The following KANK1 variants were observed in gnomAD, a reference collection of about 807,000 sequenced individuals.
KANK1 encodes KN motif and ankyrin repeat domain-containing protein 1.
In KANK1, 109 loss-of-function variants were observed where a neutral mutation model predicts 106.2. The observed-to-expected ratio is 1.03, with a 90% CI of 0.88 to 1.20. The LOEUF is 1.20. KANK1 is among the 50% of genes most tolerant of loss of function. KANK1 has a pLI of 0.00. For synonymous variants in KANK1, 873 were observed against 652.2 expected (o/e 1.34, Z -5.16); for missense variants, 2,399 against 1,710.7 (o/e 1.40, Z -7.10).
rs368277566 is a variant in KANK1 at position 730,232 on chromosome 9, C to G, written c.2880C>G (p.Ile960Met). 9.9e-6 allele frequency: 16 copies of G among 1,614,072 alleles called. No homozygotes were observed. Among genetic ancestry groups the G allele is most frequent in the African/African-American group, 1.3e-5 (1 of 74,930 alleles). ...LSPVNLTDDQ[I>M]AAGLYACTNN... Reference sequence around the variant, plus strand: ...CAGTGAACCTGACAGACGACCAGATCGCCGCTGGCCTCTATGGTAACTTTT... The same window carrying G: ...CAGTGAACCTGACAGACGACCAGATGGCCGCTGGCCTCTATGGTAACTTTT... The change falls in exon 4 of 12, where the codon ATC becomes ATG. Residue 960 changes from isoleucine (I) to methionine (M), a missense_variant. By Grantham distance (10) the Ile-to-Met change is conservative. Transcript: ENST00000382297.
chr9:673,930 A>G (rs1815821764), intron 1 of KANK1: 1 of 152,108 alleles, frequency 6.6e-6, no homozygotes, highest in Non-Finnish European at 1.5e-5. Flanking sequence ...AAGCATACTT[A>G]GTTGAATAAT....
chr9:740,292 C>G (rs147140160), intron 8 of KANK1, among the ~76,000 whole-genome samples: 6 of 152,276 alleles, frequency 3.9e-5, no homozygotes, highest in Admixed American at 2.0e-4. Context: ...TTCTGCTTTT[C>G]AGGACCCCCG....
chr9:688,585 C>T (rs1003400398), intron 2 of KANK1, among the ~76,000 whole-genome samples: 7 of 145,172 alleles, frequency 4.8e-5, no homozygotes, highest in South Asian at 2.2e-4. Context: ...AGCGACAGAG[C>T]GAGACTCTGT....
At chr9:656,516 C>T (rs1394153732) in intron 1 of KANK1, among the ~76,000 whole-genome samples, 1 of 152,136 alleles carries the variant, frequency 6.6e-6, no homozygotes, top group Non-Finnish European at 1.5e-5. Flanking sequence ...ATTGGTCAGT[C>T]TGTGACCATA....
At chr9:720,564 C>T (rs1025848622) in intron 3 of KANK1, among the ~76,000 whole-genome samples, 2 of 152,222 alleles carry the variant, frequency 1.3e-5, no homozygotes, top group Admixed American at 6.5e-5. Context: ...CTATGTTGCT[C>T]AGGCTGATCT....
intron 1 of KANK1, among the ~76,000 whole-genome samples, chr9:566,090 C>G (rs1421145322): frequency 6.6e-6 from 1 of 152,216 alleles, no homozygotes; most frequent in Non-Finnish European, 1.5e-5. Flanking sequence ...TCATTTAGCT[C>G]CCATTTATAA....
At chr9:659,346 C>A (rs1332273839) in intron 1 of KANK1, among the ~76,000 whole-genome samples, 1 of 152,130 alleles carries the variant, frequency 6.6e-6, no homozygotes, top group Non-Finnish European at 1.5e-5. Flanking sequence ...AACTTTTGGC[C>A]TACCTCAGGG....
At chr9:525,633 C>T (rs923357420) in intron 1 of KANK1, among the ~76,000 whole-genome samples, 5 of 151,532 alleles carry the variant, frequency 3.3e-5, no homozygotes, top group Non-Finnish European at 4.4e-5. Context: ...TGCCTGCCTC[C>T]GCTTCCCAAA....
At chr9:580,929 T>A (rs1235769894) in intron 1 of KANK1, among the ~76,000 whole-genome samples, 2 of 152,192 alleles carry the variant, frequency 1.3e-5, no homozygotes, top group African/African-American at 4.8e-5. Context: ...GGGAGGCAGC[T>A]GAGGCCTGGT....
chr9:659,672 A>T (rs1276279043), intron 1 of KANK1, among the ~76,000 whole-genome samples: 1 of 152,062 alleles, frequency 6.6e-6, no homozygotes, highest in Non-Finnish European at 1.5e-5. Context: ...GGAAGGTGGC[A>T]CGTCCTATGT....
At chr9:726,633 G>T (rs1830727400) in intron 3 of KANK1, among the ~76,000 whole-genome samples, 5 of 151,872 alleles carry the variant, frequency 3.3e-5, no homozygotes, top group Admixed American at 3.3e-4. Context: ...GTAAGACTCT[G>T]TCTCGAAAGA....
intron 1 of KANK1, among the ~76,000 whole-genome samples, chr9:575,676 AAATT>A (rs1201541031): frequency 2.6e-5 from 4 of 152,086 alleles, no homozygotes; most frequent in Non-Finnish European, 4.4e-5. Flanking sequence ...GTCTCAAAAA[AAATT>A]AATTACAGAG....
chr9:729,919 A>G, intron 3 of KANK1, 132 bp from the exon 4 acceptor site: 1 of 750,834 alleles, frequency 1.3e-6, no homozygotes, highest in Non-Finnish European at 2.1e-6. Flanking sequence ...TGGAGCGTCA[A>G]AGGGGCTTCT....
intron 7 of KANK1, among the ~76,000 whole-genome samples, chr9:736,884 T>G (rs1833940850): frequency 6.6e-6 from 1 of 152,218 alleles, no homozygotes; most frequent in Non-Finnish European, 1.5e-5. Flanking sequence ...ACCCCAGATT[T>G]TATAGCCATA....
intron 1 of KANK1, among the ~76,000 whole-genome samples, chr9:651,078 C>T (rs765498340): frequency 6.6e-6 from 1 of 152,132 alleles, no homozygotes; most frequent in Non-Finnish European, 1.5e-5. Flanking sequence ...CACAAAAAGT[C>T]CTCATCTGTG....
At chr9:593,097 GT>G (rs1328046842) in intron 1 of KANK1, among the ~76,000 whole-genome samples, 1 of 151,790 alleles carries the variant, frequency 6.6e-6, no homozygotes, top group Non-Finnish European at 1.5e-5. Flanking sequence ...CTGGCCGCCA[GT>G]TTTTTTAAAC....
chr9:549,451 A>G (rs1304557282), intron 1 of KANK1: 2 of 152,260 alleles, frequency 1.3e-5, no homozygotes, highest in Non-Finnish European at 2.9e-5. Flanking sequence ...GATAGATGAA[A>G]GCTCCACAGT....
rs557607801 is a variant in KANK1, at chr9:522,537, C to G, written c.-84+17783C>G. Among the ~76,000 whole-genome samples the G allele has an allele frequency of 9.3e-4, 141 of 151,634 alleles. 5 individuals are homozygous for G. In the South Asian group the frequency reaches 0.028, roughly 30 times the overall value. On this transcript the variant is annotated intron_variant, in intron 1 of 11. Coordinates refer to ENST00000382297, the MANE Select transcript of KANK1 (RefSeq NM_015158.5). Reference sequence around the variant, plus strand: ...TTGGAGAAAGGCATTCTTTTTGAGCCCTTTTGCTCATGAGGAAGGGGGTCC... The same window carrying G: ...TTGGAGAAAGGCATTCTTTTTGAGCGCTTTTGCTCATGAGGAAGGGGGTCC...
intron 1 of KANK1, chr9:549,215 G>C (rs1434031733): frequency 3.3e-5 from 5 of 152,206 alleles, no homozygotes; most frequent in Non-Finnish European, 7.3e-5. Flanking sequence ...TGAGAGAGTA[G>C]AGAAGACCCC....
Sources: allele counts gnomAD v4.1 joint callset (sites outside exome capture counted in the v4.1 genomes callset), GRCh38; gene constraint gnomAD v4.1.1; transcripts MANE v1.5; gene names NCBI Gene and HGNC (gene_info 2026-07-23, HGNC 2026-07-21).